Variants in JMJD1C observed in about 807,000 individuals in gnomAD.
JMJD1C encodes the protein jumonji domain-containing protein 1C.
In JMJD1C, 31 loss-of-function variants were observed where a neutral mutation model predicts 245.3. The observed-to-expected ratio is 0.13, with a 90% CI of 0.09 to 0.17. The LOEUF (loss-of-function observed/expected upper bound fraction) is 0.17. Among genes scored for constraint, JMJD1C ranks in the 10% least tolerant of loss-of-function variants. JMJD1C has a pLI of 1.00. For synonymous variants in JMJD1C, 1,057 were observed against 1,017.4 expected, an observed-to-expected ratio of 1.04 and a Z score of -0.74; for missense variants, 2,691 against 3,000.2, an observed-to-expected ratio of 0.90 and a Z score of 2.41.
chr10:63,426,903 G>T (rs371212467), intron 1 of JMJD1C, among the ~76,000 whole-genome samples: 1 of 152,138 alleles, frequency 6.6e-6, no homozygotes, highest in African/African-American at 2.4e-5. Context: ...ATTTAGCATA[G>T]TTAAAAATAC....
At position 63,207,199 on chromosome 10, in the gene JMJD1C, A is replaced by T; in HGVS notation, c.4470T>A (p.Ala1490=). 6.2e-7 allele frequency: 1 copy of T among 1,614,228 alleles called. No homozygotes were observed. Among genetic ancestry groups the T allele is most frequent in the Non-Finnish European group, 8.5e-7 (1 of 1,180,036 alleles). The change falls in exon 10 of 26, where the codon GCT becomes GCA. Residue 1490 remains alanine, a synonymous_variant. Coordinates refer to ENST00000399262, the MANE Select transcript of JMJD1C (RefSeq NM_032776.3). ...CATTACTACTTTTATACTGAGCTGC[A>T]GCCAATGCTGCCTTGTGCTTTTTTA... ...IHLKKHKAAL[A]AAQYKSSNAS...
intron 1 of JMJD1C, among the ~76,000 whole-genome samples, chr10:63,435,349 G>C (rs1049843245): frequency 7.9e-5 from 12 of 152,064 alleles, no homozygotes; most frequent in African/African-American, 2.9e-4. Context: ...CTTTTAACAG[G>C]CTGAATAATT....
chr10:63,215,212 T>C, intron 7 of JMJD1C, 51 bp downstream of exon 7: 1 of 1,535,608 alleles, frequency 6.5e-7, no homozygotes, highest in Non-Finnish European at 8.9e-7. Flanking sequence ...TTTTAAAATG[T>C]ATTTTTGTTT....
intron 2 of JMJD1C, among the ~76,000 whole-genome samples, chr10:63,331,168 T>A (rs549453406): frequency 6.6e-6 from 1 of 152,302 alleles, no homozygotes; most frequent in Admixed American, 6.5e-5. Context: ...CTCTCCTTCA[T>A]TTCTTATTAT....
At chr10:63,336,107 T>A (rs1460073222) in intron 2 of JMJD1C, among the ~76,000 whole-genome samples, 2 of 150,262 alleles carry the variant, frequency 1.3e-5, no homozygotes, top group Non-Finnish European at 3.0e-5. Flanking sequence ...AGTGACAGAG[T>A]GAGACCCTGT....
intron 1 of JMJD1C, among the ~76,000 whole-genome samples, chr10:63,397,141 A>G (rs1948555087): frequency 6.6e-6 from 1 of 152,232 alleles, no homozygotes; most frequent in African/African-American, 2.4e-5. Flanking sequence ...TGGATCCACT[A>G]TAGTGCTTAC....
At chr10:63,177,263 C>T (rs1193222757) in intron 23 of JMJD1C, 1 of 161,028 alleles carries the variant, frequency 6.2e-6, no homozygotes, top group East Asian at 1.9e-4. Context: ...AAATCTGAGT[C>T]TACTCAGTAA....
At chr10:63,318,406 G>A (rs1940379019) in intron 2 of JMJD1C, among the ~76,000 whole-genome samples, 1 of 151,998 alleles carries the variant, frequency 6.6e-6, no homozygotes, top group Non-Finnish European at 1.5e-5. Context: ...ACCTCTAAAT[G>A]TTCATTTGAG....
chr10:63,388,984 T>G (rs1589647789), intron 1 of JMJD1C, among the ~76,000 whole-genome samples: 1 of 152,096 alleles, frequency 6.6e-6, no homozygotes, highest in African/African-American at 2.4e-5. Flanking sequence ...TAAACATATA[T>G]GCACCAAACA....
At position 63,331,775 on chromosome 10, in the gene JMJD1C, G is replaced by A. The variant is rs757744550; in HGVS notation, c.333+48543C>T. ...CCACACCACAGGCATGTGCCACCAC[G>A]CCCAACTAATTTTTCTGTATTTTTA... is the stretch of plus-strand genomic sequence containing the variant. On this transcript the variant is annotated intron_variant, in intron 2 of 25. Coordinates refer to ENST00000399262, the MANE Select transcript of JMJD1C (RefSeq NM_032776.3). Among the ~76,000 whole-genome samples, 3 of 152,128 alleles carry A rather than the reference G, an allele frequency of 2.0e-5. No individual in the cohort carries two copies. In the East Asian group the frequency reaches 5.8e-4, roughly 29 times the overall value.
rs183259699 is a variant in JMJD1C at position 63,409,721 on chromosome 10, A to T, written c.169-29239T>A. Among the ~76,000 whole-genome samples the T allele has an allele frequency of 8.5e-4, 130 of 152,288 alleles. 1 individual carries two copies. The highest frequency in any genetic ancestry group is 3.0e-3 in the African/African-American group (125 of 41,556). On this transcript the variant is annotated intron_variant, in intron 1 of 25. Coordinates refer to ENST00000399262, the MANE Select transcript of JMJD1C (RefSeq NM_032776.3). ...CTTAGATTGTACACCTAAAGTTACA[A>T]CTGGCATGTATCTGTTTGTGGGAGA...
chr10:63,380,572 G>T, intron 1 of JMJD1C, 90 bp from the exon 2 acceptor site: 2 of 977,870 alleles, frequency 2.0e-6, no homozygotes, highest in Non-Finnish European at 3.0e-6. Context: ...ACATATTTAT[G>T]GGGTACATAT....
At chr10:63,392,034 C>T (rs909239409) in intron 1 of JMJD1C, among the ~76,000 whole-genome samples, 8 of 152,156 alleles carry the variant, frequency 5.3e-5, no homozygotes, top group Admixed American at 5.2e-4. Flanking sequence ...CTTTCACTGT[C>T]GCAATTTCCT....
intron 1 of JMJD1C, among the ~76,000 whole-genome samples, chr10:63,499,575 C>T (rs1954477297): frequency 6.6e-6 from 1 of 151,972 alleles, no homozygotes; most frequent in Non-Finnish European, 1.5e-5. Flanking sequence ...ATTCTAGTCC[C>T]CATAGCAAAG....
At chr10:63,236,428 G>A (rs1850741123) in intron 3 of JMJD1C, among the ~76,000 whole-genome samples, 1 of 152,148 alleles carries the variant, frequency 6.6e-6, no homozygotes. Flanking sequence ...AAAGCCACAT[G>A]TTAATATTCT....
At chr10:63,318,131 A>T (rs2134090090) in intron 2 of JMJD1C, among the ~76,000 whole-genome samples, 1 of 152,234 alleles carries the variant, frequency 6.6e-6, no homozygotes, top group East Asian at 1.9e-4. Context: ...TCAGGCTCCC[A>T]AGTAGCTGGG....
At chr10:63,202,707 G>A (rs1846163492) in intron 10 of JMJD1C, 1 of 985,318 alleles carries the variant, frequency 1.0e-6, no homozygotes, top group Non-Finnish European at 1.2e-6. Flanking sequence ...CCCGGTTATG[G>A]TATAAACCCA....
chr10:63,516,970 G>C (rs1375826275), intron 1 of JMJD1C, among the ~76,000 whole-genome samples: 1 of 152,136 alleles, frequency 6.6e-6, no homozygotes, highest in Admixed American at 6.5e-5. Flanking sequence ...TCTAGCAGCA[G>C]ACAGAAAAAG....
chr10:63,183,950 A>G (rs906989378), intron 21 of JMJD1C, among the ~76,000 whole-genome samples: 2 of 152,328 alleles, frequency 1.3e-5, no homozygotes, highest in Admixed American at 1.3e-4. Flanking sequence ...TTTTTTTGAG[A>G]AGGAGTCTCG....
Sources: allele counts gnomAD v4.1 joint callset (sites outside exome capture counted in the v4.1 genomes callset), GRCh38; gene constraint gnomAD v4.1.1; transcripts MANE v1.5; gene names NCBI Gene and HGNC (gene_info 2026-07-23, HGNC 2026-07-21).